Variants in JAZF1 observed in about 807,000 individuals in gnomAD.
The protein encoded by JAZF1 is juxtaposed with another zinc finger protein 1.
Under a neutral mutation model 26.4 loss-of-function variants are expected in JAZF1, and 8 were observed. That is an observed-to-expected ratio of 0.30 (90% CI 0.18 to 0.55). The LOEUF (loss-of-function observed/expected upper bound fraction) is 0.55, where lower values mean the gene tolerates loss of function less well. Among genes scored for constraint, JAZF1 ranks in the 20% least tolerant of loss-of-function variants. The pLI, the probability that JAZF1 is intolerant of heterozygous loss-of-function variation, is 0.94. For synonymous variants in JAZF1, 126 were observed against 122.3 expected (o/e 1.03, Z -0.20); for missense variants, 199 against 322.0 (o/e 0.62, Z 2.92).
intron 3 of JAZF1, among the ~76,000 whole-genome samples, chr7:27,887,714 C>G (rs1246032987): frequency 2.0e-5 from 3 of 152,116 alleles, no homozygotes; most frequent in Non-Finnish European, 1.5e-5. Flanking sequence ...CTGTGCCTGG[C>G]CAATTTGATT....
chr7:27,872,777 T>C (rs993511538), intron 3 of JAZF1, among the ~76,000 whole-genome samples: 1 of 152,226 alleles, frequency 6.6e-6, no homozygotes, highest in African/African-American at 2.4e-5. Context: ...TGGGGCTTTC[T>C]TCTTCAGGCT....
chr7:28,143,795 T>C (rs943071056), intron 1 of JAZF1, among the ~76,000 whole-genome samples: 4 of 152,226 alleles, frequency 2.6e-5, no homozygotes, highest in African/African-American at 9.6e-5. Flanking sequence ...TTACGGATAA[T>C]ATCATTTTCT....
intron 1 of JAZF1, among the ~76,000 whole-genome samples, chr7:28,177,942 C>T (rs1221495874): frequency 6.6e-6 from 1 of 152,126 alleles, no homozygotes; most frequent in Non-Finnish European, 1.5e-5. Flanking sequence ...AGTAAAGGGC[C>T]TCTCCCCAGC....
intron 1 of JAZF1, among the ~76,000 whole-genome samples, chr7:28,096,786 G>A (rs952602204): frequency 6.6e-6 from 1 of 152,118 alleles, no homozygotes; most frequent in Non-Finnish European, 1.5e-5. Context: ...CATGGCCGTG[G>A]GAAGCTGACT....
At chr7:27,836,961 ACACT>A (rs779023661) in intron 4 of JAZF1, among the ~76,000 whole-genome samples, 28 of 152,040 alleles carry the variant, frequency 1.8e-4, no homozygotes, top group Non-Finnish European at 4.0e-4. Flanking sequence ...ACACACACAC[ACACT>A]CTCTCTCTCA....
chr7:28,114,801 G>A (rs1784716557), intron 1 of JAZF1, among the ~76,000 whole-genome samples: 1 of 151,480 alleles, frequency 6.6e-6, no homozygotes, highest in African/African-American at 2.4e-5. Flanking sequence ...AATGGGACAG[G>A]GGAACTAGGG....
At position 27,940,652 on chromosome 7, in the gene JAZF1, C is replaced by T. The variant is rs1218526451; in HGVS notation, c.189-45236G>A. ...TGACTGCTGCATCTTGGGTGGGTGGCGTACTTGGGTGGAGGCGGCCTGGGT... is the reference window on the plus strand; with the variant it reads ...TGACTGCTGCATCTTGGGTGGGTGGTGTACTTGGGTGGAGGCGGCCTGGGT... On this transcript the variant is annotated intron_variant, in intron 2 of 4. Transcript: ENST00000283928. Among the ~76,000 whole-genome samples the T allele has an allele frequency of 5.9e-5, 9 of 152,112 alleles. No individual in the cohort carries two copies. The East Asian group carries it at 1.4e-3, about 23-fold the overall frequency.
chr7:27,945,647 T>A (rs1784915360), intron 2 of JAZF1, among the ~76,000 whole-genome samples: 1 of 152,234 alleles, frequency 6.6e-6, no homozygotes, highest in South Asian at 2.1e-4. Flanking sequence ...ACCAGCTGCA[T>A]CGGCATTGCC....
chr7:28,121,150 A>T (rs1489940189), intron 1 of JAZF1, among the ~76,000 whole-genome samples: 1 of 150,954 alleles, frequency 6.6e-6, no homozygotes, highest in African/African-American at 2.4e-5. Context: ...CAGTGAGCCG[A>T]GATCGCACTA....
intron 3 of JAZF1, among the ~76,000 whole-genome samples, chr7:27,873,784 T>C (rs1373481789): frequency 6.6e-6 from 1 of 152,220 alleles, no homozygotes; most frequent in Non-Finnish European, 1.5e-5. Flanking sequence ...CACTCAGTGC[T>C]GGGTCTTCGA....
At chr7:28,127,164 C>T (rs1198161718) in intron 1 of JAZF1, among the ~76,000 whole-genome samples, 1 of 152,214 alleles carries the variant, frequency 6.6e-6, no homozygotes, top group Non-Finnish European at 1.5e-5. Context: ...TAAGGCTAAC[C>T]TTAAGAGTAC....
intron 2 of JAZF1, among the ~76,000 whole-genome samples, chr7:27,943,116 G>A (rs1784873584): frequency 6.6e-6 from 1 of 152,190 alleles, no homozygotes; most frequent in Non-Finnish European, 1.5e-5. Context: ...ATACAGCAGG[G>A]TTCTGAGCAT....
At chr7:28,077,841 C>T (rs1182944399) in intron 1 of JAZF1, among the ~76,000 whole-genome samples, 2 of 152,168 alleles carry the variant, frequency 1.3e-5, no homozygotes, top group Admixed American at 6.6e-5. Flanking sequence ...GGAATTTCCA[C>T]GTTCACCATG....
chr7:28,102,330 T>A (rs1398892801), intron 1 of JAZF1, among the ~76,000 whole-genome samples: 1 of 152,250 alleles, frequency 6.6e-6, no homozygotes, highest in Non-Finnish European at 1.5e-5. Context: ...TTGTGAGAAT[T>A]AAAAGACATA....
chr7:27,944,599 C>T (rs1784899457), intron 2 of JAZF1, among the ~76,000 whole-genome samples: 1 of 152,110 alleles, frequency 6.6e-6, no homozygotes. Context: ...GGTCTCAGGC[C>T]AACAAAATAG....
chr7:28,035,313 CAAAAAAAAAAAAAAAAAA>C (rs201602870), intron 1 of JAZF1, among the ~76,000 whole-genome samples: 2 of 27,454 alleles, frequency 7.3e-5, no homozygotes, highest in Admixed American at 6.4e-4. Flanking sequence ...GACTCCATCT[CAAAAAAAAAAAAAAAAAA>C]AAAAAAAAAA....
intron 1 of JAZF1, among the ~76,000 whole-genome samples, chr7:28,043,410 T>C (rs923735479): frequency 1.3e-5 from 2 of 152,198 alleles, no homozygotes; most frequent in African/African-American, 4.8e-5. Context: ...AAGCTCGTCA[T>C]GTTCCACCCA....
intron 2 of JAZF1, among the ~76,000 whole-genome samples, chr7:27,973,255 G>A (rs10251014): frequency 0.014 from 2,124 of 151,992 alleles, 55 homozygotes; most frequent in African/African-American, 0.049. Flanking sequence ...TTTAGGAGAT[G>A]GAGGTCTCAC....
intron 1 of JAZF1, among the ~76,000 whole-genome samples, chr7:28,062,954 C>G (rs1174167611): frequency 6.6e-6 from 1 of 152,054 alleles, no homozygotes; most frequent in Admixed American, 6.6e-5. Context: ...AAAAATATGC[C>G]ATCTTTTCAT....
Sources: gnomAD v4.1 joint callset for allele counts (sites outside exome capture counted in the v4.1 genomes callset) on GRCh38, gnomAD v4.1.1 for gene constraint, MANE v1.5 for transcripts, NCBI Gene and HGNC (gene_info 2026-07-23, HGNC 2026-07-21) for gene names.